Variants in WWC1 observed in about 807,000 individuals in gnomAD.
WWC1 encodes WW and C2 domain containing 1.
In WWC1, 55 loss-of-function variants were observed where a neutral mutation model predicts 138.4. The observed-to-expected ratio is 0.40, with a 90% CI of 0.32 to 0.50. WWC1 has a LOEUF of 0.50. Ranked by LOEUF, WWC1 falls within the 20% of genes least tolerant of loss-of-function variation. The pLI, the probability that WWC1 is intolerant of heterozygous loss-of-function variation, is 0.72. For synonymous variants in WWC1, 524 were observed against 564.9 expected (o/e 0.93, Z 1.03); for missense variants, 1,226 against 1,420.4 (o/e 0.86, Z 2.20).
chr5:168,418,911 C>T (rs938359552), intron 9 of WWC1, among the ~76,000 whole-genome samples: 6 of 152,164 alleles, frequency 3.9e-5, no homozygotes, highest in African/African-American at 1.4e-4. Flanking sequence ...ACCCCCACCC[C>T]AGCCTCAGGC....
intron 2 of WWC1, among the ~76,000 whole-genome samples, chr5:168,384,715 T>TTG: frequency 1.3e-5 from 1 of 75,060 alleles, no homozygotes; most frequent in East Asian, 4.1e-4. Flanking sequence ...GGTTTATTCT[T>TTG]TTTTTTTTTT....
At chr5:168,379,400 C>CT (rs1321989692) in intron 2 of WWC1, among the ~76,000 whole-genome samples, 9 of 151,746 alleles carry the variant, frequency 5.9e-5, no homozygotes, top group South Asian at 2.1e-4. Flanking sequence ...TAACACAACT[C>CT]TTTTTTTTAT....
chr5:168,381,434 C>T (rs1777623609), intron 2 of WWC1, among the ~76,000 whole-genome samples: 1 of 152,164 alleles, frequency 6.6e-6, no homozygotes, highest in African/African-American at 2.4e-5. Flanking sequence ...TCGCACCTGC[C>T]AGCCTCAGTG....
At chr5:168,410,129 T>C (rs1474754961) in intron 8 of WWC1, 134 bp downstream of exon 8, 9 of 887,480 alleles carry the variant, frequency 1.0e-5, no homozygotes, top group Non-Finnish European at 1.6e-5. Flanking sequence ...ATAGTTATTA[T>C]ACTTTTTATA....
At chr5:168,460,551 CTG>C in intron 19 of WWC1, 97 bp from the exon 20 acceptor site, 1 of 1,086,160 alleles carries the variant, frequency 9.2e-7, no homozygotes, top group Non-Finnish European at 1.4e-6. Context: ...AGAGGAAGGA[CTG>C]TGCCGAGTGG....
intron 6 of WWC1, among the ~76,000 whole-genome samples, chr5:168,407,776 G>C (rs960616481): frequency 7.2e-5 from 11 of 152,134 alleles, no homozygotes; most frequent in Admixed American, 2.6e-4. Flanking sequence ...GACAGTTACT[G>C]AGTATGGGCT....
At chr5:168,403,067 TTTCTTTCTTTCTTTTCTTTCTTTTC>T (rs1779484465) in intron 5 of WWC1, among the ~76,000 whole-genome samples, 1 of 108,026 alleles carries the variant, frequency 9.3e-6, no homozygotes, top group African/African-American at 4.4e-5. Context: ...TCTTTCTTTC[TTTCTTTCTTTCTTTTCTTTCTTTTC>T]TTTCTTTCTT....
intron 3 of WWC1, among the ~76,000 whole-genome samples, chr5:168,386,784 A>G (rs10058949): frequency 0.61 from 92,151 of 151,698 alleles, 28,447 homozygotes; most frequent in African/African-American, 0.7. Flanking sequence ...GCCTCAGTTG[A>G]GATTACAAGC....
intron 8 of WWC1, among the ~76,000 whole-genome samples, chr5:168,413,822 A>G (rs1438281822): frequency 6.6e-6 from 1 of 152,230 alleles, no homozygotes; most frequent in Non-Finnish European, 1.5e-5. Context: ...ATTCTGATGA[A>G]TGAATTTTTC....
chr5:168,404,507 C>T (rs1381371723), intron 5 of WWC1, among the ~76,000 whole-genome samples: 2 of 152,186 alleles, frequency 1.3e-5, no homozygotes, highest in African/African-American at 2.4e-5. Flanking sequence ...TGTGTTGAGA[C>T]CGTGCTCCAT....
intron 12 of WWC1, 22 bp downstream of exon 12, chr5:168,428,163 C>G (rs767455746): frequency 2.5e-6 from 4 of 1,604,708 alleles, no homozygotes; most frequent in East Asian, 2.2e-5. Context: ...GGTGCTGGCT[C>G]TCTCTGTGGC....
chr5:168,407,811 T>G (rs1166709132), intron 6 of WWC1, among the ~76,000 whole-genome samples: 1 of 152,104 alleles, frequency 6.6e-6, no homozygotes, highest in African/African-American at 2.4e-5. Flanking sequence ...TTTATACTTG[T>G]CATCTCATTT....
chr5:168,366,826 T>G (rs1776333861), intron 1 of WWC1, among the ~76,000 whole-genome samples: 1 of 116,506 alleles, frequency 8.6e-6, no homozygotes, highest in Non-Finnish European at 1.8e-5. Flanking sequence ...TTTTTTTTTT[T>G]TGAGATGGAA....
chr5:168,440,667 G>A (rs752739987), intron 15 of WWC1, among the ~76,000 whole-genome samples: 2 of 152,044 alleles, frequency 1.3e-5, no homozygotes, highest in East Asian at 1.9e-4. Context: ...ACAGGCATAC[G>A]CCACCACGCT....
At chr5:168,436,508 G>C (rs550907252) in intron 15 of WWC1, among the ~76,000 whole-genome samples, 1 of 152,086 alleles carries the variant, frequency 6.6e-6, no homozygotes, top group East Asian at 1.9e-4. Context: ...GCTCCAGCAT[G>C]GGCCTCCGCA....
intron 8 of WWC1, among the ~76,000 whole-genome samples, chr5:168,412,879 A>T (rs1247117542): frequency 1.3e-5 from 2 of 152,226 alleles, no homozygotes; most frequent in East Asian, 1.9e-4. Context: ...GCCATTTTAT[A>T]TAAAGCACTT....
intron 4 of WWC1, among the ~76,000 whole-genome samples, chr5:168,399,227 A>ACCT (rs10643307): frequency 0.72 from 109,875 of 151,852 alleles, 40,258 homozygotes; most frequent in African/African-American, 0.83. Flanking sequence ...GCTCCTGTCC[A>ACCT]CCTGTTTCCC....
intron 6 of WWC1, among the ~76,000 whole-genome samples, chr5:168,407,053 A>C (rs1270266870): frequency 6.6e-6 from 1 of 152,126 alleles, no homozygotes; most frequent in Non-Finnish European, 1.5e-5. Context: ...TAGCCTCCCA[A>C]AGTGCTGGGA....
At chr5:168,327,959 A>G (rs953777444) in intron 1 of WWC1, among the ~76,000 whole-genome samples, 1 of 152,184 alleles carries the variant, frequency 6.6e-6, no homozygotes, top group Non-Finnish European at 1.5e-5. Context: ...ATGTGGGTGG[A>G]TGTGGACTTC....
Sources: gnomAD v4.1 joint callset for allele counts (sites outside exome capture counted in the v4.1 genomes callset) on GRCh38, gnomAD v4.1.1 for gene constraint, MANE v1.5 for transcripts, NCBI Gene and HGNC (gene_info 2026-07-23, HGNC 2026-07-21) for gene names.